RBFOX3: variants seen among roughly 807,000 people sequenced by gnomAD.
The protein encoded by RBFOX3 is RNA binding fox-1 homolog 3.
A neutral mutation model predicts 48.7 loss-of-function variants in RBFOX3; 17 were observed. That is an observed-to-expected ratio of 0.35 (90% CI 0.24 to 0.52). The LOEUF is 0.52. Among genes scored for constraint, RBFOX3 ranks in the 20% least tolerant of loss-of-function variants. RBFOX3 has a pLI of 0.94. For synonymous variants in RBFOX3, 212 were observed against 209.5 expected, an observed-to-expected ratio of 1.01 and a Z score of -0.10; for missense variants, 382 against 497.5, an observed-to-expected ratio of 0.77 and a Z score of 2.21.
In RBFOX3 at chr17:79,097,283, G is replaced by A. The variant is rs1005115982; in HGVS notation, c.755+9C>T. On this transcript the variant is annotated intron_variant, in intron 11 of 14. Transcript: ENST00000693108. Reference sequence around the variant, plus strand: ...CCTCCTCCACGCCTCCCCCGGCCCAGGTACTCACGCTCCGTAAGTCGGGAT... The same window carrying A: ...CCTCCTCCACGCCTCCCCCGGCCCAAGTACTCACGCTCCGTAAGTCGGGAT... 5.3e-6 allele frequency: 8 copies of A among 1,516,914 alleles called. No homozygotes were observed. In the African/African-American group the frequency reaches 1.1e-4, roughly 21 times the overall value. 94.0% of individuals were successfully genotyped at this position (1,516,914 alleles called of 1,614,324 possible).
rs2078670379 is a variant in RBFOX3 at position 79,480,821 on chromosome 17, C to T, written c.-175+1633G>A. On this transcript the variant is annotated intron_variant, in intron 2 of 14. Coordinates refer to ENST00000693108, the MANE Select transcript of RBFOX3 (RefSeq NM_001350451.2). This position sits in a 1 kb window ranked among gnomAD's most constrained non-coding sequence, Gnocchi z 4.8. ...CATTCCCCGTGGTCTTAATGCACTG[C>T]ATTTATCTTCACAGCGTTATGGCGC... 6.6e-6 allele frequency among the ~76,000 whole-genome samples: 1 copy of T among 152,220 alleles called. No individual in the cohort carries two copies. Among genetic ancestry groups the T allele is most frequent in the African/African-American group, 2.4e-5 (1 of 41,448 alleles).
chr17:79,288,126 C>T (rs2072388593), intron 3 of RBFOX3, among the ~76,000 whole-genome samples: 1 of 152,090 alleles, frequency 6.6e-6, no homozygotes, highest in East Asian at 1.9e-4. Flanking sequence ...AGCCTCTGAT[C>T]TCCTCCTTCC....
intron 3 of RBFOX3, among the ~76,000 whole-genome samples, chr17:79,266,163 C>T (rs1414789525): frequency 6.6e-6 from 1 of 152,212 alleles, no homozygotes; most frequent in Non-Finnish European, 1.5e-5. Context: ...TTATAGCAGC[C>T]TGTTCTCCCA....
chr17:79,429,764 T>C (rs2068075742), intron 2 of RBFOX3, among the ~76,000 whole-genome samples: 2 of 152,054 alleles, frequency 1.3e-5, no homozygotes, highest in Admixed American at 1.3e-4. Context: ...GCTTCCTGAG[T>C]GAGATCCAGG....
At chr17:79,542,791 A>C (rs1316265610) in intron 1 of RBFOX3, among the ~76,000 whole-genome samples, 1 of 152,218 alleles carries the variant, frequency 6.6e-6, no homozygotes, top group Non-Finnish European at 1.5e-5. Context: ...TCAAAATAAA[A>C]GGATTTTTTT....
intron 1 of RBFOX3, among the ~76,000 whole-genome samples, chr17:79,593,023 C>T (rs933151135): frequency 2.0e-5 from 3 of 151,980 alleles, no homozygotes; most frequent in South Asian, 2.1e-4. Context: ...CCTGAGTGCT[C>T]GGAGGTGGGG....
intron 1 of RBFOX3, among the ~76,000 whole-genome samples, chr17:79,576,036 A>G (rs1444165049): frequency 6.6e-6 from 1 of 152,204 alleles, no homozygotes; most frequent in East Asian, 1.9e-4. Context: ...TGCTGAGATA[A>G]TATTTGGTCG....
rs1260404044 is a variant in RBFOX3 at position 79,205,840 on chromosome 17, T to G, written c.-34+29926A>C. ...CATAAAGAGTCAAAAGCAGTTGGCTTTTTTTTTTTTTTTCCTTAAAGTAGT... is the reference window on the plus strand; with the variant it reads ...CATAAAGAGTCAAAAGCAGTTGGCTGTTTTTTTTTTTTTCCTTAAAGTAGT... On this transcript the variant is annotated intron_variant, in intron 4 of 14. Transcript: ENST00000693108. The surrounding 1 kb of genome is among the most constrained non-coding windows in gnomAD (Gnocchi z 4.5). Among the ~76,000 whole-genome samples, 1 of 11,292 alleles carries G rather than the reference T, an allele frequency of 8.9e-5. No homozygotes were observed. The highest frequency in any genetic ancestry group is 1.1e-4 in the African/African-American group (1 of 8,966). 7.4% of individuals were successfully genotyped at this position (11,292 alleles called of 152,430 possible). A position where few individuals can be genotyped will look rare whatever the true frequency, so the allele number is the denominator to read the frequency against.
chr17:79,173,662 T>C (rs1432703448), intron 4 of RBFOX3, among the ~76,000 whole-genome samples: 1 of 152,128 alleles, frequency 6.6e-6, no homozygotes, highest in Non-Finnish European at 1.5e-5. Flanking sequence ...TCTGACCCCA[T>C]CCCGTCCGCT....
intron 4 of RBFOX3, among the ~76,000 whole-genome samples, chr17:79,151,916 GAGGA>G (rs879505403): frequency 0.56 from 50,264 of 90,370 alleles, 17,479 homozygotes; most frequent in Non-Finnish European, 0.62. Flanking sequence ...GAGGGGAGGC[GAGGA>G]TGGGAGGGGA....
At chr17:79,410,313 C>A (rs1357219819) in intron 2 of RBFOX3, among the ~76,000 whole-genome samples, 1 of 152,214 alleles carries the variant, frequency 6.6e-6, no homozygotes, top group Admixed American at 6.5e-5. Context: ...GCGTTTCAGG[C>A]TGGTTCTCGT....
chr17:79,155,509 G>T (rs541066951), intron 4 of RBFOX3, among the ~76,000 whole-genome samples: 1 of 152,346 alleles, frequency 6.6e-6, no homozygotes, highest in South Asian at 2.1e-4. Flanking sequence ...GCATTCAGCC[G>T]ACTTCATGTA....
intron 1 of RBFOX3, among the ~76,000 whole-genome samples, chr17:79,593,565 C>A (rs957926847): frequency 6.6e-6 from 1 of 152,168 alleles, no homozygotes; most frequent in Non-Finnish European, 1.5e-5. Flanking sequence ...TCTGGGAACA[C>A]CGAGGGAGGA....
chr17:79,275,036 C>T (rs1010813604), intron 3 of RBFOX3, among the ~76,000 whole-genome samples: 2 of 149,266 alleles, frequency 1.3e-5, no homozygotes, highest in Non-Finnish European at 3.0e-5. Context: ...CAAACTGGTC[C>T]TGCCTTAGAC....
chr17:79,588,390 T>A lies in RBFOX3; in HGVS notation c.-320+22436A>T. On this transcript the variant is annotated intron_variant, in intron 1 of 14. Coordinates refer to ENST00000693108, the MANE Select transcript of RBFOX3 (RefSeq NM_001350451.2). Reference sequence around the variant, plus strand: ...ATCCCACCATGAAGACCAAAAAACATCCTGAGGGCAGGCTTGGCATCAAAT... The same window carrying A: ...ATCCCACCATGAAGACCAAAAAACAACCTGAGGGCAGGCTTGGCATCAAAT... Among the ~76,000 whole-genome samples, 5 of 152,160 alleles carry A rather than the reference T, an allele frequency of 3.3e-5. 1 individual carries two copies. Among genetic ancestry groups the A allele is most frequent in the Admixed American group, 3.3e-4 (5 of 15,284 alleles).
the RBFOX3 span, among the ~76,000 whole-genome samples, chr17:79,643,831 A>T: frequency 5.6e-4 from 85 of 152,308 alleles, 1 homozygote; most frequent in African/African-American, 1.8e-3. Flanking sequence ...TGCTTATATT[A>T]AAAAAGACGT....
upstream of RBFOX3, among the ~76,000 whole-genome samples, chr17:79,611,321 G>A (rs1238341773): frequency 1.8e-4 from 27 of 151,576 alleles, no homozygotes; most frequent in African/African-American, 6.1e-4. Context: ...GCATGGGAGG[G>A]GGCTCTGGCT....
intron 2 of RBFOX3, among the ~76,000 whole-genome samples, chr17:79,356,275 C>G (rs1367242251): frequency 6.7e-6 from 1 of 148,506 alleles, no homozygotes; most frequent in Non-Finnish European, 1.5e-5. Flanking sequence ...AGAGGAGGCA[C>G]TTGATCCCAC....
chr17:79,557,767 G>A (rs1357376276), intron 1 of RBFOX3, among the ~76,000 whole-genome samples: 2 of 152,198 alleles, frequency 1.3e-5, no homozygotes, highest in Non-Finnish European at 2.9e-5. Context: ...CGGGCAGGCG[G>A]GGGCATCTCG....
Sources: allele counts gnomAD v4.1 joint callset (sites outside exome capture counted in the v4.1 genomes callset), GRCh38; gene constraint gnomAD v4.1.1; non-coding constraint Gnocchi (gnomAD v3.1); transcripts MANE v1.5; gene names NCBI Gene and HGNC (gene_info 2026-07-23, HGNC 2026-07-21).